Variants in SLC8A3 observed in about 807,000 individuals in gnomAD.
The protein encoded by SLC8A3 is sodium/calcium exchanger 3.
SLC8A3 carries 37 observed loss-of-function variants against 65.4 expected under a neutral mutation model. The observed-to-expected ratio is 0.57, with a 90% CI of 0.44 to 0.74. The LOEUF is 0.74. Ranked by LOEUF, SLC8A3 falls within the 30% of genes least tolerant of loss-of-function variation. The probability of loss-of-function intolerance (pLI) is 0.00; values close to 1 mark genes in which losing one functional copy is unlikely to be tolerated. For missense variants in SLC8A3, 1,112 were observed against 1,172.1 expected (o/e 0.95, Z 0.75); for synonymous variants, 461 against 444.5 (o/e 1.04, Z -0.47).
At chr14:70,136,828 T>C (rs1476570540) in intron 2 of SLC8A3, among the ~76,000 whole-genome samples, 2 of 152,254 alleles carry the variant, frequency 1.3e-5, no homozygotes, top group Non-Finnish European at 2.9e-5. Context: ...TAAGCCAGGC[T>C]CACAGCCAGG....
rs1236393373 is a variant in SLC8A3 at position 70,046,540 on chromosome 14, G to A, written c.2390-217C>T. 7 of 513,168 alleles carry A rather than the reference G, an allele frequency of 1.4e-5. No individual in the cohort carries two copies. The highest frequency in any genetic ancestry group is 5.6e-5 in the African/African-American group (3 of 53,170). 31.8% of individuals were successfully genotyped at this position (513,168 alleles called of 1,614,324 possible). The stretch of plus-strand genomic sequence containing the variant: ...AGTCTGGGCTTCCCATTCCTCATCT[G>A]CAGTGATCTGAAAGATTCTGAAGGG... On this transcript the variant is annotated intron_variant, in intron 6 of 6. Coordinates refer to ENST00000356921, the MANE Select transcript of SLC8A3 (RefSeq NM_182932.3). The surrounding 1 kb of genome is among the most constrained non-coding windows in gnomAD (Gnocchi z 4.2).
At position 70,103,671 on chromosome 14, in the gene SLC8A3, T is replaced by C. The variant is rs571705473; in HGVS notation, c.1785-42732A>G. On this transcript the variant is annotated intron_variant, in intron 2 of 6. Coordinates refer to ENST00000356921, the MANE Select transcript of SLC8A3 (RefSeq NM_182932.3). ...CAAAGATATATAGCTATAAAGCCAA[T>C]TGAGGAATTAAAATGGAATACAAAA... 9.9e-5 allele frequency among the ~76,000 whole-genome samples: 15 copies of C among 151,520 alleles called. No individual in the cohort carries two copies. The East Asian group carries it at 2.1e-3, about 21-fold the overall frequency.
intron 2 of SLC8A3, among the ~76,000 whole-genome samples, chr14:70,078,271 T>A (rs1452231358): frequency 6.6e-6 from 1 of 152,220 alleles, no homozygotes; most frequent in Non-Finnish European, 1.5e-5. Flanking sequence ...ATCAAGGATT[T>A]CAAAACACTT....
intron 2 of SLC8A3, among the ~76,000 whole-genome samples, chr14:70,086,394 CTTTT>C (rs1566769340): frequency 8.6e-6 from 1 of 116,834 alleles, no homozygotes; most frequent in Non-Finnish European, 1.6e-5. Context: ...TTTTCTTTTT[CTTTT>C]TTCTTTTTTT....
At chr14:70,067,980 TCTGCCAAGGGAG>T in intron 2 of SLC8A3, among the ~76,000 whole-genome samples, 1 of 152,320 alleles carries the variant, frequency 6.6e-6, no homozygotes, top group East Asian at 1.9e-4. Context: ...CTCCAAGCTT[TCTGCCAAGGGAG>T]GTGCCAATGC....
intron 2 of SLC8A3, among the ~76,000 whole-genome samples, chr14:70,109,578 C>A (rs1893136214): frequency 6.6e-6 from 1 of 151,846 alleles, no homozygotes. Context: ...CCTCAGCCTC[C>A]CAAGGAGCTG....
chr14:70,109,151 A>G (rs950346226), intron 2 of SLC8A3, among the ~76,000 whole-genome samples: 2 of 147,188 alleles, frequency 1.4e-5, no homozygotes, highest in African/African-American at 5.0e-5. Context: ...TTTTATTACC[A>G]TTGCATCCTA....
intron 1 of SLC8A3, among the ~76,000 whole-genome samples, chr14:70,168,809 G>T (rs970087988): frequency 6.6e-6 from 1 of 152,208 alleles, no homozygotes; most frequent in African/African-American, 2.4e-5. Context: ...AATAGGCCAT[G>T]TATAACCTGA....
chr14:70,115,657 G>A (rs189436166), intron 2 of SLC8A3, among the ~76,000 whole-genome samples: 52 of 152,242 alleles, frequency 3.4e-4, no homozygotes, highest in African/African-American at 1.1e-3. Flanking sequence ...AAGGGAGCCT[G>A]AAAAGTGGGT....
chr14:70,144,231 C>A (rs1412495023), intron 2 of SLC8A3, among the ~76,000 whole-genome samples: 9 of 150,562 alleles, frequency 6.0e-5, no homozygotes, highest in African/African-American at 2.2e-4. Context: ...CACAGCCTCT[C>A]TTTCCATTCA....
At chr14:70,121,934 A>G (rs1397325677) in intron 2 of SLC8A3, among the ~76,000 whole-genome samples, 2 of 152,186 alleles carry the variant, frequency 1.3e-5, no homozygotes, top group East Asian at 3.9e-4. Flanking sequence ...TCCTTTTTTC[A>G]TAGCTCAGCT....
chr14:70,078,532 A>C lies in SLC8A3; in HGVS notation c.1785-17593T>G, dbSNP rs1168574383. Among the ~76,000 whole-genome samples the C allele has an allele frequency of 2.0e-5, 3 of 152,164 alleles. No homozygotes were observed. In the East Asian group the frequency reaches 5.8e-4, roughly 29 times the overall value. ...GAAAGCTTTGGATCCACAGAAATGC[A>C]TTACTTTACTGCCTACTCCCTCCCC... is the stretch of plus-strand genomic sequence containing the variant. On this transcript the variant is annotated intron_variant, in intron 2 of 6. Coordinates refer to ENST00000356921, the MANE Select transcript of SLC8A3 (RefSeq NM_182932.3).
chr14:70,148,986 C>A (rs1463193161), intron 2 of SLC8A3, among the ~76,000 whole-genome samples: 1 of 152,156 alleles, frequency 6.6e-6, no homozygotes, highest in East Asian at 1.9e-4. Flanking sequence ...CAAGCCTAAC[C>A]TGGAATTCCT....
At chr14:70,139,833 T>C (rs1895449017) in intron 2 of SLC8A3, among the ~76,000 whole-genome samples, 1 of 152,134 alleles carries the variant, frequency 6.6e-6, no homozygotes, top group Non-Finnish European at 1.5e-5. Flanking sequence ...ATAGTGGAAC[T>C]GAATACCATC....
At chr14:70,135,696 A>G (rs1895145588) in intron 2 of SLC8A3, among the ~76,000 whole-genome samples, 5 of 152,040 alleles carry the variant, frequency 3.3e-5, no homozygotes, top group African/African-American at 7.2e-5. Flanking sequence ...AAAAAAAAAA[A>G]GTTGATTTCA....
chr14:70,141,450 T>A (rs1003354918), intron 2 of SLC8A3, among the ~76,000 whole-genome samples: 2 of 152,202 alleles, frequency 1.3e-5, no homozygotes, highest in African/African-American at 4.8e-5. Flanking sequence ...CTTGCTGAAG[T>A]GTATGTAGCT....
intron 1 of SLC8A3, among the ~76,000 whole-genome samples, chr14:70,181,229 C>T (rs1478546448): frequency 6.6e-6 from 1 of 152,168 alleles, no homozygotes; most frequent in Non-Finnish European, 1.5e-5. Flanking sequence ...TCATTGCCTC[C>T]TCTATGACAC....
chr14:70,167,747 G>C lies in SLC8A3; in HGVS notation c.676C>G (p.Pro226Ala). Reference protein sequence around the residue: ...WLYMILAVFSPGVVQVWEGLL... With the variant: ...WLYMILAVFSAGVVQVWEGLL... ...CCTTCCCAAACCTGGACCACACCAG[G>C]GGAGAAGACTGCCAGAATCATATAG... The change falls in exon 2 of 7, where the codon CCT (proline) becomes GCT (alanine). Residue 226 changes from proline (P) to alanine (A), a missense_variant. Coordinates refer to ENST00000356921, the MANE Select transcript of SLC8A3 (RefSeq NM_182932.3). 1 of 1,614,128 alleles carries C rather than the reference G, an allele frequency of 6.2e-7. No individual in the cohort carries two copies. The highest frequency in any genetic ancestry group is 1.1e-5 in the South Asian group (1 of 91,084).
intron 2 of SLC8A3, among the ~76,000 whole-genome samples, chr14:70,152,045 C>G (rs1235565023): frequency 2.0e-5 from 3 of 152,170 alleles, no homozygotes; most frequent in Admixed American, 6.5e-5. Flanking sequence ...CAACCCAGTA[C>G]AGCTTGCCAA....
Sources: allele counts gnomAD v4.1 joint callset (sites outside exome capture counted in the v4.1 genomes callset), GRCh38; gene constraint gnomAD v4.1.1; non-coding constraint Gnocchi (gnomAD v3.1); transcripts MANE v1.5; gene names NCBI Gene and HGNC (gene_info 2026-07-23, HGNC 2026-07-21).